Variants in CAPZB observed in about 807,000 individuals in gnomAD.
CAPZB encodes capping actin protein of muscle Z-line subunit beta, also known as F-actin-capping protein subunit beta.
A neutral mutation model predicts 38.1 loss-of-function variants in CAPZB; 2 were observed. The observed-to-expected ratio is 0.05, with a 90% CI of 0.02 to 0.17. CAPZB has a LOEUF of 0.17. Among genes scored for constraint, CAPZB ranks in the 10% least tolerant of loss-of-function variants. The pLI is 1.00. For synonymous variants in CAPZB, 107 were observed against 127.4 expected (o/e 0.84, Z 1.08); for missense variants, 161 against 334.2 (o/e 0.48, Z 4.04).
intron 2 of CAPZB, among the ~76,000 whole-genome samples, chr1:19,412,216 T>C (rs11580268): frequency 0.021 from 3,163 of 152,196 alleles, 120 homozygotes; most frequent in African/African-American, 0.071. Flanking sequence ...AGAGACTATG[T>C]AGGGGCTGGT....
chr1:19,485,505 CG>C lies in CAPZB; in HGVS notation c.-68del. The C allele has an allele frequency of 4.1e-6, 5 of 1,213,198 alleles. No homozygotes were observed. The highest frequency in any genetic ancestry group is 3.1e-4 in the Middle Eastern group (1 of 3,190). The allele number at this position is 1,213,198 out of a possible 1,614,324, so 75.2% of individuals were successfully genotyped here. On this transcript the variant is annotated 5_prime_UTR_variant, in exon 1 of 9. An upstream open reading frame in the 5' UTR gains an earlier in-frame stop. Transcript: ENST00000264202. ...CTCTCCCCCCCGCAGCAGGGCCCGGCGCTTCCACTTCCCCGGGTGCCCAGGA... is the reference window on the plus strand; with the variant it reads ...CTCTCCCCCCCGCAGCAGGGCCCGGCCTTCCACTTCCCCGGGTGCCCAGGA...
chr1:19,470,900 C>T (rs2094584807), intron 1 of CAPZB, among the ~76,000 whole-genome samples: 1 of 152,180 alleles, frequency 6.6e-6, no homozygotes, highest in Non-Finnish European at 1.5e-5. Context: ...GAACCAATGC[C>T]ACCACCTGGC....
intron 8 of CAPZB, chr1:19,343,009 T>C (rs2093940556): frequency 1.5e-6 from 1 of 658,402 alleles, no homozygotes. Flanking sequence ...GGGTGTGGAG[T>C]GGTATCGCCG....
chr1:19,444,131 C>T (rs564520065), intron 1 of CAPZB, among the ~76,000 whole-genome samples: 87 of 151,996 alleles, frequency 5.7e-4, no homozygotes, highest in African/African-American at 1.8e-3. Flanking sequence ...GCACTCCAGC[C>T]GGGGCAACAG....
At chr1:19,470,997 A>G (rs1398048991) in intron 1 of CAPZB, among the ~76,000 whole-genome samples, 1 of 152,132 alleles carries the variant, frequency 6.6e-6, no homozygotes, top group Non-Finnish European at 1.5e-5. Context: ...CTCGGGGGAT[A>G]CCTTCCAAGA....
At chr1:19,429,374 T>C (rs1031208151) in intron 1 of CAPZB, among the ~76,000 whole-genome samples, 3 of 152,190 alleles carry the variant, frequency 2.0e-5, no homozygotes, top group African/African-American at 4.8e-5. Flanking sequence ...TGTAAGTACC[T>C]TGACACTATA....
At chr1:19,480,617 C>A (rs2094624759) in intron 1 of CAPZB, among the ~76,000 whole-genome samples, 1 of 152,220 alleles carries the variant, frequency 6.6e-6, no homozygotes, top group Non-Finnish European at 1.5e-5. Flanking sequence ...CCAGCCCTGT[C>A]TCTCTTCTTC....
At chr1:19,420,295 A>G (rs2094396343) in intron 1 of CAPZB, among the ~76,000 whole-genome samples, 1 of 152,234 alleles carries the variant, frequency 6.6e-6, no homozygotes, top group Non-Finnish European at 1.5e-5. Context: ...CCTGAACCAC[A>G]CTACAGTCAA....
intron 3 of CAPZB, among the ~76,000 whole-genome samples, chr1:19,380,493 C>T (rs1216321032): frequency 1.3e-5 from 2 of 152,220 alleles, no homozygotes; most frequent in East Asian, 1.9e-4. Flanking sequence ...ACAGGCGTGC[C>T]GCCCACAATC....
chr1:19,455,003 G>A (rs778226834), intron 1 of CAPZB, among the ~76,000 whole-genome samples: 37 of 152,346 alleles, frequency 2.4e-4, no homozygotes, highest in African/African-American at 6.5e-4. Context: ...ACAGGACACC[G>A]GTCCCGCAAA....
At chr1:19,365,958 G>T (rs2094082216) in intron 4 of CAPZB, among the ~76,000 whole-genome samples, 1 of 152,180 alleles carries the variant, frequency 6.6e-6, no homozygotes. Context: ...TAAAAAATTT[G>T]AAGTGTTGAT....
intron 1 of CAPZB, among the ~76,000 whole-genome samples, chr1:19,447,713 C>T (rs2100678202): frequency 6.6e-6 from 1 of 152,278 alleles, no homozygotes; most frequent in East Asian, 1.9e-4. Flanking sequence ...CAGCAGCACC[C>T]TGGGAGCTGG....
At chr1:19,436,002 C>T (rs1161928001) in intron 1 of CAPZB, among the ~76,000 whole-genome samples, 1 of 152,206 alleles carries the variant, frequency 6.6e-6, no homozygotes, top group African/African-American at 2.4e-5. Flanking sequence ...CACCGGGTCC[C>T]AGCTGTGTGA....
chr1:19,470,654 A>C (rs976919153), intron 1 of CAPZB, among the ~76,000 whole-genome samples: 1 of 152,226 alleles, frequency 6.6e-6, no homozygotes, highest in Non-Finnish European at 1.5e-5. Context: ...GTCAAGCCCC[A>C]AACCCCTGTG....
At chr1:19,363,322 G>T (rs530238055) in intron 4 of CAPZB, among the ~76,000 whole-genome samples, 1 of 143,218 alleles carries the variant, frequency 7.0e-6, no homozygotes, top group Non-Finnish European at 1.5e-5. Flanking sequence ...GTCTCAAGCC[G>T]TTTATCAGCA....
At chr1:19,433,399 G>A (rs2094448598) in intron 1 of CAPZB, among the ~76,000 whole-genome samples, 1 of 152,172 alleles carries the variant, frequency 6.6e-6, no homozygotes, top group African/African-American at 2.4e-5. Flanking sequence ...CACTGACGAA[G>A]GCTAAGAAAA....
intron 2 of CAPZB, chr1:19,385,911 T>G (rs1221891564): frequency 4.1e-6 from 2 of 493,640 alleles, no homozygotes; most frequent in African/African-American, 3.9e-5. Flanking sequence ...CAGGGTGGCC[T>G]AGTAAATTTA....
intron 4 of CAPZB, among the ~76,000 whole-genome samples, chr1:19,377,844 GAAATCTCAAC>G (rs1470605175): frequency 6.6e-6 from 1 of 152,240 alleles, no homozygotes; most frequent in Admixed American, 6.5e-5. Context: ...GGAGCAGGAA[GAAATCTCAAC>G]AGATCTAGCA....
intron 1 of CAPZB, among the ~76,000 whole-genome samples, chr1:19,475,368 A>G (rs2094603266): frequency 6.6e-6 from 1 of 152,172 alleles, no homozygotes; most frequent in Non-Finnish European, 1.5e-5. Context: ...GCCTGGGATC[A>G]CATAGAAACT....
Sources: allele counts gnomAD v4.1 joint callset (sites outside exome capture counted in the v4.1 genomes callset), GRCh38; gene constraint gnomAD v4.1.1; transcripts MANE v1.5; gene names NCBI Gene and HGNC (gene_info 2026-07-23, HGNC 2026-07-21).